The following DLG2 variants were observed in gnomAD, a reference collection of about 807,000 sequenced individuals.
DLG2 encodes the protein disks large homolog 2.
Under a neutral mutation model 132.5 loss-of-function variants are expected in DLG2, and 45 were observed. That is an observed-to-expected ratio of 0.34 (90% CI 0.27 to 0.44). The LOEUF (loss-of-function observed/expected upper bound fraction) is 0.44. Among genes scored for constraint, DLG2 ranks in the 20% least tolerant of loss-of-function variants. The probability of loss-of-function intolerance (pLI) is 1.00; values close to 1 mark genes in which losing one functional copy is unlikely to be tolerated. For synonymous variants in DLG2, 424 were observed against 419.6 expected (o/e 1.01, Z -0.13); for missense variants, 1,045 against 1,196.9 (o/e 0.87, Z 1.87).
intron 4 of DLG2, among the ~76,000 whole-genome samples, chr11:85,232,775 T>C (rs1350075135): frequency 2.0e-5 from 3 of 151,996 alleles, no homozygotes; most frequent in African/African-American, 7.2e-5. Flanking sequence ...AAATAATTTA[T>C]CTAAATTACC....
chr11:84,991,034 A>G (rs915832226), intron 6 of DLG2, among the ~76,000 whole-genome samples: 1 of 152,250 alleles, frequency 6.6e-6, no homozygotes. Flanking sequence ...CTACTCAGCA[A>G]TAAAAAAGAA....
At chr11:85,482,992 T>C (rs2093335401) in intron 3 of DLG2, among the ~76,000 whole-genome samples, 1 of 152,166 alleles carries the variant, frequency 6.6e-6, no homozygotes, top group African/African-American at 2.4e-5. Context: ...CTCTGATATA[T>C]AAGATTTCAT....
chr11:84,578,649 G>C (rs1471658208), intron 6 of DLG2, among the ~76,000 whole-genome samples: 1 of 152,140 alleles, frequency 6.6e-6, no homozygotes, highest in African/African-American at 2.4e-5. Flanking sequence ...GCTTGCTTTT[G>C]ACTTTACAGG....
rs1337652056 is a variant in DLG2, at chr11:83,620,865, G to A, written c.1940+12346C>T. Among the ~76,000 whole-genome samples, 4 of 51,378 alleles carry A rather than the reference G, an allele frequency of 7.8e-5. No homozygotes were observed. In the Admixed American group the frequency reaches 1.3e-3, roughly 17 times the overall value. The allele number at this position is 51,378 out of a possible 152,430, so 33.7% of individuals were successfully genotyped here. A position where few individuals can be genotyped will look rare whatever the true frequency, so the allele number is the denominator to read the frequency against. Reference sequence around the variant, plus strand: ...AGCCTGGGCGACAGAGCGAGACTCCGTCTCAAAAAAAAAAAAAAAAAAAAA... The same window carrying A: ...AGCCTGGGCGACAGAGCGAGACTCCATCTCAAAAAAAAAAAAAAAAAAAAA... On this transcript the variant is annotated intron_variant, in intron 19 of 27. Transcript: ENST00000376104.
intron 6 of DLG2, among the ~76,000 whole-genome samples, chr11:84,945,770 A>T (rs2050118512): frequency 6.6e-6 from 1 of 152,058 alleles, no homozygotes; most frequent in Admixed American, 6.5e-5. Context: ...CTGGTGTATC[A>T]CTAGGTAATG....
intron 6 of DLG2, among the ~76,000 whole-genome samples, chr11:84,902,720 T>G (rs375019634): frequency 6.6e-6 from 1 of 152,184 alleles, no homozygotes; most frequent in Non-Finnish European, 1.5e-5. Flanking sequence ...AGCTGTCCAC[T>G]GAATGCCTCT....
At position 83,705,417 on chromosome 11, in the gene DLG2, C is replaced by T. The variant is rs1383931417; in HGVS notation, c.1826-72092G>A. On this transcript the variant is annotated intron_variant, in intron 18 of 27. Transcript: ENST00000376104. ...CAAATGGAGAGAGTTAAATTGATTA[C>T]TTTTGCGATTACTTTACTTTTCAAA... Among the ~76,000 whole-genome samples, 5 of 152,140 alleles carry T rather than the reference C, an allele frequency of 3.3e-5. No homozygotes were observed. In the South Asian group the frequency reaches 1.0e-3, roughly 32 times the overall value.
At chr11:85,363,234 A>G (rs183815568) in intron 3 of DLG2, among the ~76,000 whole-genome samples, 5 of 152,332 alleles carry the variant, frequency 3.3e-5, no homozygotes, top group Non-Finnish European at 5.9e-5. Flanking sequence ...ATGTCCTACT[A>G]AGAAGAAATA....
At chr11:83,502,312 C>T (rs1373854402) in intron 21 of DLG2, among the ~76,000 whole-genome samples, 1 of 152,084 alleles carries the variant, frequency 6.6e-6, no homozygotes, top group Non-Finnish European at 1.5e-5. Flanking sequence ...GCGCTCTTAT[C>T]TATTATACGA....
Position 83,456,506 on chromosome 11 carries a change from G to T in DLG2, c.*3312C>A. ...GAAGATGATCAGAGATTTGAGGAGAGGAGAAAGGACAGAAGAGGAATAAGA... is the reference window on the plus strand; with the variant it reads ...GAAGATGATCAGAGATTTGAGGAGATGAGAAAGGACAGAAGAGGAATAAGA... On this transcript the variant is annotated 3_prime_UTR_variant, in exon 28 of 28. Coordinates refer to ENST00000376104, the MANE Select transcript of DLG2 (RefSeq NM_001142699.3). The T allele has an allele frequency of 6.5e-6, 1 of 152,828 alleles. No homozygotes were observed. Among genetic ancestry groups the T allele is most frequent in the Non-Finnish European group, 1.5e-5 (1 of 68,236 alleles). 9.5% of individuals were successfully genotyped at this position (152,828 alleles called of 1,614,324 possible).
At position 85,517,612 on chromosome 11, in the gene DLG2, CTTT is replaced by C. The variant is rs532793481; in HGVS notation, c.40+81042_40+81044del. 2.8e-3 allele frequency among the ~76,000 whole-genome samples: 413 copies of C among 145,112 alleles called. 3 individuals carry two copies. Among genetic ancestry groups the C allele is most frequent in the Middle Eastern group, 0.018 (5 of 280 alleles). On this transcript the variant is annotated intron_variant, in intron 3 of 27. Coordinates refer to ENST00000376104, the MANE Select transcript of DLG2 (RefSeq NM_001142699.3). ...TAAAAATCAGTAGCATTTCTTTCTT[CTTT>C]TTTTTTTTTTAAGAGACAGGGTCTC...
chr11:84,740,416 A>C (rs1195439219), intron 6 of DLG2, among the ~76,000 whole-genome samples: 1 of 152,300 alleles, frequency 6.6e-6, no homozygotes, highest in Admixed American at 6.5e-5. Flanking sequence ...CCCTGAGCCC[A>C]GCTGGGAGAG....
chr11:84,871,149 G>C (rs1250756576), intron 6 of DLG2, among the ~76,000 whole-genome samples: 1 of 152,094 alleles, frequency 6.6e-6, no homozygotes, highest in East Asian at 1.9e-4. Flanking sequence ...CAAACTTAAA[G>C]ACAGGCCATA....
At chr11:85,466,768 G>C (rs1457104114) in intron 3 of DLG2, among the ~76,000 whole-genome samples, 2 of 152,140 alleles carry the variant, frequency 1.3e-5, no homozygotes, top group Non-Finnish European at 2.9e-5. Context: ...TGTTATTTTG[G>C]CTTAGGATTG....
chr11:84,352,512 C>A (rs1347777510), intron 7 of DLG2, among the ~76,000 whole-genome samples: 1 of 152,242 alleles, frequency 6.6e-6, no homozygotes, highest in East Asian at 1.9e-4. Context: ...AACTACATTT[C>A]CCAGAATTTT....
intron 15 of DLG2, among the ~76,000 whole-genome samples, chr11:83,899,450 C>G (rs2072777086): frequency 2.0e-5 from 3 of 152,150 alleles, no homozygotes; most frequent in Admixed American, 2.0e-4. Flanking sequence ...GCTCTGTGTC[C>G]CCACCCAATT....
intron 11 of DLG2, among the ~76,000 whole-genome samples, chr11:84,042,832 T>C (rs547162330): frequency 1.8e-4 from 27 of 151,824 alleles, no homozygotes; most frequent in African/African-American, 6.0e-4. Context: ...AGCTGAACAA[T>C]GAGAACACAT....
chr11:84,172,947 T>C (rs1354094839), intron 8 of DLG2, among the ~76,000 whole-genome samples: 1 of 152,154 alleles, frequency 6.6e-6, no homozygotes, highest in Non-Finnish European at 1.5e-5. Flanking sequence ...ATAACTACTA[T>C]GTTTTTAAAA....
At chr11:85,419,816 T>A (rs903619682) in intron 3 of DLG2, among the ~76,000 whole-genome samples, 1 of 152,360 alleles carries the variant, frequency 6.6e-6, no homozygotes, top group East Asian at 1.9e-4. Flanking sequence ...CTGGTTATTC[T>A]AGTTAGCAAT....
Sources: gnomAD v4.1 joint callset for allele counts (sites outside exome capture counted in the v4.1 genomes callset) on GRCh38, gnomAD v4.1.1 for gene constraint, MANE v1.5 for transcripts, NCBI Gene and HGNC (gene_info 2026-07-23, HGNC 2026-07-21) for gene names.